HIVEP3: variants seen among roughly 807,000 people sequenced by gnomAD.
HIVEP3 encodes transcription factor HIVEP3.
In HIVEP3, 49 loss-of-function variants were observed where a neutral mutation model predicts 152.8. That is an observed-to-expected ratio of 0.32 (90% CI 0.26 to 0.41). The LOEUF (loss-of-function observed/expected upper bound fraction) is 0.41. Ranked by LOEUF, HIVEP3 falls within the 10% of genes least tolerant of loss-of-function variation. HIVEP3 has a pLI of 1.00. For synonymous variants in HIVEP3, 1,269 were observed against 1,289.0 expected (o/e 0.98, Z 0.33); for missense variants, 2,790 against 3,103.3 (o/e 0.90, Z 2.40).
intron 1 of HIVEP3, among the ~76,000 whole-genome samples, chr1:41,819,708 A>G (rs1642531992): frequency 6.6e-6 from 1 of 152,220 alleles, no homozygotes; most frequent in African/African-American, 2.4e-5. Flanking sequence ...TCAGAGACAT[A>G]TATGATATTG....
chr1:41,796,790 C>T (rs567216743), intron 1 of HIVEP3, among the ~76,000 whole-genome samples: 1 of 152,164 alleles, frequency 6.6e-6, no homozygotes, highest in Non-Finnish European at 1.5e-5. Flanking sequence ...ATATACCATC[C>T]TTCTCCCTAG....
At chr1:41,773,447 G>A (rs1283390385) in intron 1 of HIVEP3, among the ~76,000 whole-genome samples, 3 of 152,156 alleles carry the variant, frequency 2.0e-5, no homozygotes, top group African/African-American at 7.2e-5. Context: ...TGTACCACTT[G>A]GTAATCAGCC....
intron 1 of HIVEP3, among the ~76,000 whole-genome samples, chr1:41,996,990 G>A (rs1645399385): frequency 6.6e-6 from 1 of 152,008 alleles, no homozygotes; most frequent in African/African-American, 2.4e-5. Context: ...TGACTACATT[G>A]AGCCCACCCA....
intron 1 of HIVEP3, among the ~76,000 whole-genome samples, chr1:41,909,516 A>C (rs1354114601): frequency 6.6e-6 from 1 of 152,176 alleles, no homozygotes; most frequent in East Asian, 1.9e-4. Context: ...AAACAGAAAA[A>C]TCTACGATCA....
At chr1:41,804,642 G>A (rs913944007) in intron 1 of HIVEP3, among the ~76,000 whole-genome samples, 1 of 152,220 alleles carries the variant, frequency 6.6e-6, no homozygotes, top group Non-Finnish European at 1.5e-5. Flanking sequence ...ATCATTCACT[G>A]CAGATGTCAA....
chr1:41,830,840 G>A (rs1642943465), intron 1 of HIVEP3, among the ~76,000 whole-genome samples: 3 of 152,172 alleles, frequency 2.0e-5, no homozygotes, highest in South Asian at 4.1e-4. Flanking sequence ...TGGGTACCAG[G>A]AGTAAGAGCT....
At position 41,580,359 on chromosome 1, in the gene HIVEP3, C is replaced by A; in HGVS notation, c.4439G>T (p.Arg1480Met). 1.9e-6 allele frequency: 3 copies of A among 1,614,186 alleles called. No homozygotes were observed. Among genetic ancestry groups the A allele is most frequent in the Non-Finnish European group, 2.5e-6 (3 of 1,180,034 alleles). Reference protein sequence around the residue: ...VVLTSTEDGKRPEKSHLGNQG... With the variant: ...VVLTSTEDGKMPEKSHLGNQG... The stretch of plus-strand genomic sequence containing the variant: ...GTTGCCTAAGTGGGATTTCTCTGGC[C>A]TCTTCCCATCCTCGGTGCTGGTAAG... The change falls in exon 4 of 9, where the codon AGG becomes ATG. Residue 1480 changes from arginine (R) to methionine (M), a missense_variant. Arg to Met is a moderately conservative substitution (Grantham distance 91). Coordinates refer to ENST00000372583, the MANE Select transcript of HIVEP3 (RefSeq NM_024503.5).
At chr1:41,517,895 C>T in intron 7 of HIVEP3, among the ~76,000 whole-genome samples, 1 of 152,230 alleles carries the variant, frequency 6.6e-6, no homozygotes, top group East Asian at 1.9e-4. Context: ...ACTCTCCTAG[C>T]TCCAAAAGGC....
At chr1:42,023,144 T>G (rs892877495) in intron 1 of HIVEP3, among the ~76,000 whole-genome samples, 5 of 152,118 alleles carry the variant, frequency 3.3e-5, no homozygotes. Context: ...GTAGCTGGAA[T>G]TACAGGCATG....
chr1:41,640,434 T>C lies in HIVEP3; in HGVS notation c.-720-11487A>G, dbSNP rs777605704. The stretch of plus-strand genomic sequence containing the variant: ...CACCGTGTTCCCTCTCTGGGTGCAA[T>C]AGAAATCCCATGAGGCAGCCCCACA... On this transcript the variant is annotated intron_variant, in intron 2 of 8. Coordinates refer to ENST00000372583, the MANE Select transcript of HIVEP3 (RefSeq NM_024503.5). Among the ~76,000 whole-genome samples, 13 of 152,164 alleles carry C rather than the reference T, an allele frequency of 8.5e-5. No individual in the cohort carries two copies. In the East Asian group the frequency reaches 1.9e-3, roughly 23 times the overall value.
chr1:41,789,550 C>A (rs239341), intron 1 of HIVEP3, among the ~76,000 whole-genome samples: 92,365 of 152,144 alleles, frequency 0.61, 29,192 homozygotes, highest in African/African-American at 0.79. Flanking sequence ...CGGAAAATTA[C>A]AATCAAGCTC....
intron 1 of HIVEP3, among the ~76,000 whole-genome samples, chr1:41,983,001 C>G (rs1435153817): frequency 1.3e-5 from 2 of 152,244 alleles, no homozygotes; most frequent in East Asian, 3.8e-4. Flanking sequence ...TGTTCCACCA[C>G]AGATGATCAG....
chr1:41,965,146 C>CCA (rs1245251041), intron 1 of HIVEP3, among the ~76,000 whole-genome samples: 2 of 152,120 alleles, frequency 1.3e-5, no homozygotes, highest in Non-Finnish European at 2.9e-5. Context: ...AGTGGACCCC[C>CCA]AGAAAACTGC....
Position 41,581,800 on chromosome 1 carries a change from A to C in HIVEP3, c.2998T>G (p.Ser1000Ala), listed in dbSNP as rs1474232788. 6.3e-7 allele frequency: 1 copy of C among 1,586,012 alleles called. No individual in the cohort carries two copies. The highest frequency in any genetic ancestry group is 1.7e-5 in the Admixed American group (1 of 57,232). ...RSASEQSPNV[S>A]HSAHMTETRS... ...GTCTCGGTCATGTGGGCAGAATGGG[A>C]AACGTTGGGGCTCTGCTCTGAGGCT... The change falls in exon 4 of 9, where the codon TCC (serine) becomes GCC (alanine). Residue 1000 changes from serine (S) to alanine (A), a missense_variant. Ser to Ala is a moderately conservative substitution (Grantham distance 99). Transcript: ENST00000372583. The surrounding 1 kb of genome is among the most constrained non-coding windows in gnomAD (Gnocchi z 4.5).
At chr1:41,952,308 T>C (rs1175525905) in intron 1 of HIVEP3, among the ~76,000 whole-genome samples, 1 of 152,200 alleles carries the variant, frequency 6.6e-6, no homozygotes, top group African/African-American at 2.4e-5. Flanking sequence ...TTCCTCAATG[T>C]TTAATGTAGA....
intron 1 of HIVEP3, among the ~76,000 whole-genome samples, chr1:41,753,987 G>A (rs951270284): frequency 1.3e-5 from 2 of 151,818 alleles, no homozygotes; most frequent in African/African-American, 4.8e-5. Flanking sequence ...GAGTGCCGAT[G>A]GAGACTAGAG....
chr1:41,984,675 C>T (rs755904368), intron 1 of HIVEP3, among the ~76,000 whole-genome samples: 2 of 152,178 alleles, frequency 1.3e-5, no homozygotes, highest in African/African-American at 4.8e-5. Flanking sequence ...TAAGAAAGCA[C>T]ACTGACCACT....
chr1:42,028,374 T>C (rs983899774), intron 1 of HIVEP3, among the ~76,000 whole-genome samples: 20 of 152,298 alleles, frequency 1.3e-4, no homozygotes, highest in Middle Eastern at 3.4e-3. Context: ...TTGCAGGACA[T>C]ACAGTAGAAG....
chr1:41,577,987 T>G (rs1459267276), intron 4 of HIVEP3, among the ~76,000 whole-genome samples: 1 of 152,236 alleles, frequency 6.6e-6, no homozygotes, highest in Non-Finnish European at 1.5e-5. Flanking sequence ...TATAAATAAA[T>G]AATTGCCGAA....
Sources: allele counts gnomAD v4.1 joint callset (sites outside exome capture counted in the v4.1 genomes callset), GRCh38; gene constraint gnomAD v4.1.1; non-coding constraint Gnocchi (gnomAD v3.1); transcripts MANE v1.5; gene names NCBI Gene and HGNC (gene_info 2026-07-23, HGNC 2026-07-21).